Variants in LUC7L observed in about 807,000 individuals in gnomAD.
LUC7L encodes the protein LUC7 like, also known as putative RNA-binding protein Luc7-like 1.
A neutral mutation model predicts 51.1 loss-of-function variants in LUC7L; 29 were observed. That is an observed-to-expected ratio of 0.57 (90% CI 0.42 to 0.77). LUC7L has a LOEUF of 0.77. LUC7L is among the 30% of genes least tolerant of loss of function. LUC7L has a pLI of 0.00. For missense variants in LUC7L, 403 were observed against 511.9 expected (o/e 0.79, Z 2.05); for synonymous variants, 181 against 180.7 (o/e 1.00, Z -0.01).
At chr16:227,852 C>T in intron 1 of LUC7L, 1 of 1,001,562 alleles carries the variant, frequency 1.0e-6, no homozygotes, top group African/African-American at 1.7e-5. Context: ...TCTATTCTTC[C>T]TACGTCCCTT....
intron 9 of LUC7L, 188 bp from the exon 10 acceptor site, chr16:189,527 C>T: frequency 1.4e-6 from 2 of 1,390,968 alleles, no homozygotes; most frequent in African/African-American, 1.4e-5. Context: ...AAAAAGTGAC[C>T]TTTGCGAAGA....
At chr16:218,375 T>C (rs2049868588) in intron 3 of LUC7L, among the ~76,000 whole-genome samples, 1 of 152,166 alleles carries the variant, frequency 6.6e-6, no homozygotes, top group African/African-American at 2.4e-5. Context: ...CTGGTCATAC[T>C]AGCGATGGGT....
At chr16:220,509 CT>C in intron 3 of LUC7L, 139 bp downstream of exon 3, 1 of 680,504 alleles carries the variant, frequency 1.5e-6, no homozygotes, top group Non-Finnish European at 2.6e-6. Flanking sequence ...TGGCTGTATT[CT>C]AGCTCTGAGC....
At chr16:217,217 A>G (rs1181526659) in intron 3 of LUC7L, among the ~76,000 whole-genome samples, 2 of 151,776 alleles carry the variant, frequency 1.3e-5, no homozygotes, top group Non-Finnish European at 2.9e-5. Context: ...GCGTTTCACC[A>G]TGTTGGCCAG....
At chr16:222,285 A>G (rs553782510) in intron 2 of LUC7L, among the ~76,000 whole-genome samples, 7 of 150,772 alleles carry the variant, frequency 4.6e-5, no homozygotes, top group Non-Finnish European at 8.8e-5. Context: ...CATCCCAACT[A>G]GGAGACACCC....
chr16:225,825 G>T (rs2050117484), intron 2 of LUC7L, among the ~76,000 whole-genome samples: 1 of 150,644 alleles, frequency 6.6e-6, no homozygotes, highest in Non-Finnish European at 1.5e-5. Flanking sequence ...GAAAAGAAAA[G>T]AAAAGAAATA....
At chr16:225,686 T>C (rs1345151636) in intron 2 of LUC7L, among the ~76,000 whole-genome samples, 1 of 151,242 alleles carries the variant, frequency 6.6e-6, no homozygotes, top group South Asian at 2.1e-4. Context: ...GGTTTATCTA[T>C]GTTGATCAGG....
At chr16:193,949 G>C (rs141124527) in intron 6 of LUC7L, among the ~76,000 whole-genome samples, 1 of 151,622 alleles carries the variant, frequency 6.6e-6, no homozygotes, top group African/African-American at 2.4e-5. Flanking sequence ...GATTACAGGC[G>C]CCCGGCACTG....
intron 3 of LUC7L, among the ~76,000 whole-genome samples, chr16:216,335 C>A (rs929550082): frequency 4.7e-5 from 7 of 149,414 alleles, no homozygotes; most frequent in African/African-American, 1.7e-4. Flanking sequence ...TGAGGAGGAC[C>A]TTTTTCTTTT....
At position 191,642 on chromosome 16, in the gene LUC7L, C is replaced by T. The variant is rs139221626; in HGVS notation, c.777-1072G>A. Among the ~76,000 whole-genome samples, 25 of 152,236 alleles carry T rather than the reference C, an allele frequency of 1.6e-4. No homozygotes were observed. The East Asian group carries it at 4.6e-3, about 28-fold the overall frequency. Reference sequence around the variant, plus strand: ...CAGGCAGATCATGAGGTCAACAGATCGAGACCAGCCTGGCCAACATGGTGA... The same window carrying T: ...CAGGCAGATCATGAGGTCAACAGATTGAGACCAGCCTGGCCAACATGGTGA... On this transcript the variant is annotated intron_variant, in intron 7 of 9. Transcript: ENST00000293872.
At chr16:207,922 T>G (rs1419968434) in intron 4 of LUC7L, among the ~76,000 whole-genome samples, 156 bp downstream of exon 4, 1 of 152,000 alleles carries the variant, frequency 6.6e-6, no homozygotes, top group African/African-American at 2.4e-5. Flanking sequence ...GGCAGGAGAA[T>G]GGCATGAACC....
chr16:189,920 GA>G (rs2048964616), intron 9 of LUC7L, 47 bp downstream of exon 9: 1 of 1,573,594 alleles, frequency 6.4e-7, no homozygotes, highest in Admixed American at 1.7e-5. Flanking sequence ...GGAACACAGA[GA>G]AGGGCTCACT....
intron 1 of LUC7L, 98 bp from the exon 2 acceptor site, chr16:227,434 C>A (rs1264918200): frequency 1.3e-5 from 20 of 1,513,108 alleles, no homozygotes; most frequent in Non-Finnish European, 1.6e-5. Flanking sequence ...TGCAGACTAT[C>A]ATTTCTGTGT....
chr16:215,700 G>A (rs1189541922), intron 3 of LUC7L, among the ~76,000 whole-genome samples: 1 of 151,802 alleles, frequency 6.6e-6, no homozygotes. Context: ...CTACTCAGGA[G>A]GCTGCGGTGG....
chr16:223,837 T>C lies in LUC7L; in HGVS notation c.157-3090A>G, dbSNP rs537925645. 4.6e-4 allele frequency among the ~76,000 whole-genome samples: 70 copies of C among 151,824 alleles called. 1 individual carries two copies. The South Asian group carries it at 0.013, about 28-fold the overall frequency. On this transcript the variant is annotated intron_variant, in intron 2 of 9. Transcript: ENST00000293872. ...GGGGCACGCCACCACGCCCGGCTAATATTTTTGTATTTTTAGTAGAGACAG... is the reference window on the plus strand; with the variant it reads ...GGGGCACGCCACCACGCCCGGCTAACATTTTTGTATTTTTAGTAGAGACAG...
chr16:226,173 C>G (rs1257180143), intron 2 of LUC7L, among the ~76,000 whole-genome samples: 3 of 152,202 alleles, frequency 2.0e-5, no homozygotes, highest in Admixed American at 2.0e-4. Context: ...CATTTGCTGT[C>G]AGAAAACTCA....
In LUC7L at chr16:206,120, C is replaced by T. The variant is rs150359968; in HGVS notation, c.394G>A (p.Glu132Lys). The change falls in exon 5 of 10, where the codon GAA becomes AAA. Residue 132 changes from glutamate to lysine, a missense_variant. By Grantham distance (56) the Glu-to-Lys change is moderately conservative (BLOSUM62 1). Transcript: ENST00000293872. ...GCTTTAGCAAGGAGTTTTCCTATTT[C>T]TTCATTTAACTCATGTACTTTTTCT... is the stretch of plus-strand genomic sequence containing the variant. ...KAEKVHELNEEIGKLLAKAEQ... is the reference protein window; with the variant it reads ...KAEKVHELNEKIGKLLAKAEQ... 4,987 of 1,613,516 alleles carry T rather than the reference C, an allele frequency of 3.1e-3. 20 individuals are homozygous for T. Among genetic ancestry groups the T allele is most frequent in the Non-Finnish European group, 3.4e-3 (4,038 of 1,179,882 alleles).
At chr16:229,255 G>A (rs1404329828) in intron 1 of LUC7L, 24 bp downstream of exon 1, 2 of 1,530,590 alleles carry the variant, frequency 1.3e-6, no homozygotes, top group Non-Finnish European at 1.7e-6. Flanking sequence ...CCAGACCCTC[G>A]CCTGGTTGGC....
intron 5 of LUC7L, 74 bp downstream of exon 5, chr16:205,930 C>A (rs1567180977): frequency 3.9e-6 from 6 of 1,520,008 alleles, no homozygotes; most frequent in Non-Finnish European, 5.3e-6. Flanking sequence ...CAAGCATGGG[C>A]TCAATTAATT....
Sources: allele counts gnomAD v4.1 joint callset (sites outside exome capture counted in the v4.1 genomes callset), GRCh38; gene constraint gnomAD v4.1.1; transcripts MANE v1.5; gene names NCBI Gene and HGNC (gene_info 2026-07-23, HGNC 2026-07-21).